Variants in CDH12 observed in about 807,000 individuals in gnomAD.
CDH12 encodes the protein cadherin 12.
Under a neutral mutation model 74.1 loss-of-function variants are expected in CDH12, and 41 were observed. That is an observed-to-expected ratio of 0.55 (90% CI 0.43 to 0.72). The LOEUF is 0.72. CDH12 is among the 30% of genes least tolerant of loss of function. The pLI, the probability that CDH12 is intolerant of heterozygous loss-of-function variation, is 0.00. For missense variants in CDH12, 945 were observed against 977.2 expected (o/e 0.97, Z 0.44); for synonymous variants, 399 against 355.0 (o/e 1.12, Z -1.39).
chr5:22,370,510 G>C (rs1009830788), intron 3 of CDH12, among the ~76,000 whole-genome samples: 1 of 152,110 alleles, frequency 6.6e-6, no homozygotes, highest in Non-Finnish European at 1.5e-5. Context: ...TAACACATAG[G>C]TGCCTTTTAG....
chr5:21,939,031 C>T (rs1467526959), intron 6 of CDH12, among the ~76,000 whole-genome samples: 1 of 150,986 alleles, frequency 6.6e-6, no homozygotes, highest in Non-Finnish European at 1.5e-5. Context: ...CTGGAAGCAA[C>T]ATATCTCTTA....
At chr5:22,559,181 T>C (rs2126746092) in intron 1 of CDH12, among the ~76,000 whole-genome samples, 1 of 152,118 alleles carries the variant, frequency 6.6e-6, no homozygotes, top group African/African-American at 2.4e-5. Context: ...GAGAAGTAAT[T>C]TACCCCATAA....
Position 21,854,699 on chromosome 5 carries a change from T to A in CDH12, c.618A>T (p.Gln206His). 1 of 1,609,132 alleles carries A rather than the reference T, an allele frequency of 6.2e-7. No homozygotes were observed. Among genetic ancestry groups the A allele is most frequent in the Non-Finnish European group, 8.5e-7 (1 of 1,176,730 alleles). Reference sequence around the variant, plus strand: ...TCTTGGGATCAATAGAGAAATAAGGTTGTCCCTGAAGAATGCTGTAAACGA... The same window carrying A: ...TCTTGGGATCAATAGAGAAATAAGGATGTCCCTGAAGAATGCTGTAAACGA... ...ARVVYSILQG[Q>H]PYFSIDPKTG... The change falls in exon 7 of 15, where the codon CAA becomes CAT. Residue 206 changes from glutamine to histidine, a missense_variant. Gln to His is a conservative substitution (Grantham distance 24). Around this residue, in one of 3 missense-constraint regions of CDH12, gnomAD observed 791 missense variants for 792.8 expected, o/e 1.00. Coordinates refer to ENST00000382254, the MANE Select transcript of CDH12 (RefSeq NM_004061.5).
At chr5:22,152,231 A>G (rs1173742989) in intron 4 of CDH12, 3 of 152,190 alleles carry the variant, frequency 2.0e-5, no homozygotes, top group Non-Finnish European at 2.9e-5. Flanking sequence ...GTTTACCTCC[A>G]TCATTAAAAA....
intron 4 of CDH12, among the ~76,000 whole-genome samples, chr5:22,181,274 T>G (rs182978685): frequency 5.6e-4 from 86 of 152,270 alleles, no homozygotes; most frequent in Non-Finnish European, 1.0e-3. Flanking sequence ...GCTTTTTTTT[T>G]GCATTCATAT....
chr5:22,530,315 T>C (rs1400892841), intron 1 of CDH12, among the ~76,000 whole-genome samples: 1 of 152,168 alleles, frequency 6.6e-6, no homozygotes, highest in Non-Finnish European at 1.5e-5. Flanking sequence ...ACATCCACAT[T>C]AATCTACATG....
chr5:21,822,212 T>C, intron 8 of CDH12, among the ~76,000 whole-genome samples: 1 of 87,750 alleles, frequency 1.1e-5, no homozygotes, highest in African/African-American at 2.9e-5. Context: ...TATTACTAGT[T>C]AACTTTTATA....
intron 3 of CDH12, among the ~76,000 whole-genome samples, chr5:22,259,167 T>C (rs1353649830): frequency 6.6e-6 from 1 of 152,090 alleles, no homozygotes; most frequent in East Asian, 1.9e-4. Context: ...AAATTGACAA[T>C]GAAAACAAAA....
At chr5:22,810,267 C>A (rs934410062) in intron 1 of CDH12, among the ~76,000 whole-genome samples, 51 of 151,804 alleles carry the variant, frequency 3.4e-4, no homozygotes, top group Non-Finnish European at 1.3e-4. Context: ...ACCGAGCACA[C>A]CAAAAATCCA....
At chr5:22,117,473 A>AT (rs1745202205) in intron 4 of CDH12, among the ~76,000 whole-genome samples, 4 of 66,742 alleles carry the variant, frequency 6.0e-5, no homozygotes, top group African/African-American at 2.4e-4. Context: ...TATATAATAT[A>AT]TATATTATAT....
chr5:22,024,598 C>T (rs1032790560), intron 5 of CDH12, among the ~76,000 whole-genome samples: 1 of 152,098 alleles, frequency 6.6e-6, no homozygotes, highest in Non-Finnish European at 1.5e-5. Context: ...CTGCAACCTC[C>T]ACCTCCCAAA....
At chr5:22,798,509 C>A (rs938810160) in intron 1 of CDH12, among the ~76,000 whole-genome samples, 9 of 151,786 alleles carry the variant, frequency 5.9e-5, no homozygotes, top group African/African-American at 1.9e-4. Context: ...ATTCTAATTT[C>A]TAATATGGTA....
chr5:21,852,430 A>G (rs1333423828), intron 7 of CDH12, among the ~76,000 whole-genome samples: 2 of 151,456 alleles, frequency 1.3e-5, no homozygotes, highest in African/African-American at 4.8e-5. Context: ...TAAACATACT[A>G]GAATAGGTTG....
intron 6 of CDH12, among the ~76,000 whole-genome samples, chr5:21,861,316 C>T (rs1352374925): frequency 6.6e-6 from 1 of 151,636 alleles, no homozygotes; most frequent in Admixed American, 6.6e-5. Context: ...TTAATTTTTC[C>T]CCAATACAAA....
chr5:22,768,210 T>C (rs936215685), intron 1 of CDH12, among the ~76,000 whole-genome samples: 2 of 152,080 alleles, frequency 1.3e-5, no homozygotes, highest in African/African-American at 4.8e-5. Flanking sequence ...TAATTTTCAG[T>C]CAAAATCACA....
intron 6 of CDH12, among the ~76,000 whole-genome samples, chr5:21,952,317 T>A (rs1221585015): frequency 1.3e-5 from 2 of 152,122 alleles, no homozygotes; most frequent in Non-Finnish European, 2.9e-5. Context: ...CTTTGGAGGC[T>A]GCAAATGGAA....
chr5:22,642,638 A>T (rs1257008612), intron 1 of CDH12, among the ~76,000 whole-genome samples: 1 of 152,174 alleles, frequency 6.6e-6, no homozygotes, highest in Non-Finnish European at 1.5e-5. Context: ...TAACAAAAAT[A>T]CATAGTCGAC....
intron 1 of CDH12, among the ~76,000 whole-genome samples, chr5:22,652,479 C>T (rs866653882): frequency 6.6e-6 from 1 of 152,120 alleles, no homozygotes; most frequent in African/African-American, 2.4e-5. Context: ...CATTTCAGAT[C>T]GATTCCATTT....
intron 1 of CDH12, among the ~76,000 whole-genome samples, chr5:22,644,697 C>T (rs1300797920): frequency 3.3e-5 from 5 of 151,474 alleles, no homozygotes; most frequent in African/African-American, 9.7e-5. Flanking sequence ...GATGAACTAG[C>T]CTGCTGGTGG....
Sources: gnomAD v4.1 joint callset for allele counts (sites outside exome capture counted in the v4.1 genomes callset) on GRCh38, gnomAD v4.1.1 for gene constraint, gnomAD v4.1.1 regional missense constraint, MANE v1.5 for transcripts, NCBI Gene and HGNC (gene_info 2026-07-23, HGNC 2026-07-21) for gene names.